VNN1: variants seen among roughly 807,000 people sequenced by gnomAD.
The protein encoded by VNN1 is vanin 1.
A neutral mutation model predicts 41.9 loss-of-function variants in VNN1; 29 were observed. The observed-to-expected ratio is 0.69, with a 90% CI of 0.52 to 0.94. VNN1 has a LOEUF of 0.94. VNN1 is among the 40% of genes least tolerant of loss of function. The pLI, the probability that VNN1 is intolerant of heterozygous loss-of-function variation, is 0.00. For synonymous variants in VNN1, 233 were observed against 224.4 expected (o/e 1.04, Z -0.34); for missense variants, 637 against 621.1 (o/e 1.03, Z -0.27).
intron 2 of VNN1, among the ~76,000 whole-genome samples, chr6:132,694,524 G>A (rs760644599): frequency 4.6e-5 from 7 of 151,964 alleles, no homozygotes; most frequent in East Asian, 1.9e-4. Flanking sequence ...TACATATCCC[G>A]TTTACTAAAA....
At chr6:132,692,993 C>T in intron 4 of VNN1, 31 bp downstream of exon 4, 2 of 1,548,668 alleles carry the variant, frequency 1.3e-6, no homozygotes, top group Non-Finnish European at 1.7e-6. Flanking sequence ...CTGATTACAT[C>T]AGCCTGCATA....
At chr6:132,691,618 A>C (rs187774993) in intron 5 of VNN1, among the ~76,000 whole-genome samples, 221 of 152,302 alleles carry the variant, frequency 1.5e-3, no homozygotes, top group Middle Eastern at 3.4e-3. Flanking sequence ...TAATTTGAAT[A>C]TTTATTTTTA....
chr6:132,710,770 C>A (rs1220689424), intron 2 of VNN1, among the ~76,000 whole-genome samples: 1 of 152,140 alleles, frequency 6.6e-6, no homozygotes, highest in African/African-American at 2.4e-5. Flanking sequence ...TCCAGTCTAC[C>A]ATTGATGGGT....
intron 2 of VNN1, among the ~76,000 whole-genome samples, chr6:132,700,326 G>A (rs1778433186): frequency 6.6e-6 from 1 of 151,988 alleles, no homozygotes; most frequent in Non-Finnish European, 1.5e-5. Flanking sequence ...AAAATTTTCA[G>A]AGGCATTGTC....
At chr6:132,710,439 G>A (rs1284792485) in intron 2 of VNN1, among the ~76,000 whole-genome samples, 2 of 151,892 alleles carry the variant, frequency 1.3e-5, no homozygotes, top group Non-Finnish European at 2.9e-5. Flanking sequence ...TTGTTACATA[G>A]GTATACACGT....
chr6:132,688,992 A>T (rs1778244239), intron 5 of VNN1, among the ~76,000 whole-genome samples: 1 of 152,060 alleles, frequency 6.6e-6, no homozygotes, highest in South Asian at 2.1e-4. Context: ...AGGATCAAGC[A>T]ATTCTCCTGT....
chr6:132,694,235 C>A, intron 2 of VNN1, 53 bp from the exon 3 acceptor site: 1 of 1,485,784 alleles, frequency 6.7e-7, no homozygotes, highest in East Asian at 2.3e-5. Context: ...TCTTAACTCT[C>A]AACAAAATCC....
In VNN1 at chr6:132,681,149, T is replaced by G. The variant is rs1055097088; in HGVS notation, c.*1991A>C. On this transcript the variant is annotated 3_prime_UTR_variant, in exon 7 of 7. Transcript: ENST00000367928. ...TTGTTGGTCCATGTGACCAACATCA[T>G]GTGGAAGAAGAGATGTCACTTCTGT... Among the ~76,000 whole-genome samples the G allele has an allele frequency of 3.3e-5, 5 of 152,152 alleles. No homozygotes were observed. The highest frequency in any genetic ancestry group is 1.3e-4 in the Admixed American group (2 of 15,280).
At chr6:132,705,404 A>G (rs1470563690) in intron 2 of VNN1, among the ~76,000 whole-genome samples, 4 of 152,370 alleles carry the variant, frequency 2.6e-5, no homozygotes, top group African/African-American at 9.6e-5. Flanking sequence ...TCATATCAAC[A>G]GAATGAAGAA....
intron 2 of VNN1, among the ~76,000 whole-genome samples, 173 bp from the exon 3 acceptor site, chr6:132,694,355 T>C (rs1027336839): frequency 2.0e-5 from 3 of 152,220 alleles, no homozygotes; most frequent in South Asian, 4.1e-4. Context: ...AGGAAGCCCA[T>C]GCTTGAGTAA....
intron 2 of VNN1, among the ~76,000 whole-genome samples, chr6:132,707,080 G>A (rs1009870645): frequency 6.6e-6 from 1 of 151,878 alleles, no homozygotes; most frequent in African/African-American, 2.4e-5. Flanking sequence ...TACAAAAATA[G>A]CTGGGTGTAG....
At chr6:132,706,399 T>C (rs939509781) in intron 2 of VNN1, among the ~76,000 whole-genome samples, 7 of 152,102 alleles carry the variant, frequency 4.6e-5, no homozygotes, top group South Asian at 2.1e-4. Context: ...AGAGCATATA[T>C]TGGGGAAAGG....
intron 2 of VNN1, among the ~76,000 whole-genome samples, chr6:132,700,458 G>A (rs1330082244): frequency 6.6e-6 from 1 of 152,148 alleles, no homozygotes; most frequent in Non-Finnish European, 1.5e-5. Context: ...CCTGGCCTGT[G>A]GCCACTCCTG....
intron 2 of VNN1, among the ~76,000 whole-genome samples, chr6:132,696,267 A>G (rs1020090554): frequency 6.6e-6 from 1 of 152,230 alleles, no homozygotes; most frequent in Non-Finnish European, 1.5e-5. Context: ...AGACAGGACC[A>G]TTGAAATTAT....
Position 132,681,791 on chromosome 6 carries a change from C to T in VNN1, c.*1349G>A, listed in dbSNP as rs1004882759. 6.6e-6 allele frequency: 1 copy of T among 152,006 alleles called. No homozygotes were observed. Among genetic ancestry groups the T allele is most frequent in the African/African-American group, 2.4e-5 (1 of 41,306 alleles). 9.4% of individuals were successfully genotyped at this position (152,006 alleles called of 1,614,324 possible). On this transcript the variant is annotated 3_prime_UTR_variant, in exon 7 of 7. Transcript: ENST00000367928. Reference sequence around the variant, plus strand: ...TCACCCAAAAGAACAAGGGATTTTACTCAAATATTTCTTGGATGATATAGT... The same window carrying T: ...TCACCCAAAAGAACAAGGGATTTTATTCAAATATTTCTTGGATGATATAGT...
In VNN1 at chr6:132,681,769, C is replaced by A. The variant is rs1306522111; in HGVS notation, c.*1371G>T. On this transcript the variant is annotated 3_prime_UTR_variant, in exon 7 of 7. Transcript: ENST00000367928. Reference sequence around the variant, plus strand: ...AAAAAGCAAATGTCAGTTAATGTCACCCAAAAGAACAAGGGATTTTACTCA... The same window carrying A: ...AAAAAGCAAATGTCAGTTAATGTCAACCAAAAGAACAAGGGATTTTACTCA... The A allele has an allele frequency of 1.3e-5, 2 of 152,400 alleles. No individual in the cohort carries two copies. Among genetic ancestry groups the A allele is most frequent in the Non-Finnish European group, 2.9e-5 (2 of 67,984 alleles). The allele number at this position is 152,400 out of a possible 1,614,324, so 9.4% of individuals were successfully genotyped here. A position where few individuals can be genotyped will look rare whatever the true frequency, so the allele number is the denominator to read the frequency against.
chr6:132,687,641 G>A (rs1778227210), intron 5 of VNN1, among the ~76,000 whole-genome samples: 2 of 152,080 alleles, frequency 1.3e-5, no homozygotes, highest in Non-Finnish European at 2.9e-5. Context: ...ATAGCTAAGA[G>A]AGCATTCCTA....
At chr6:132,686,626 A>G (rs1418272397) in intron 5 of VNN1, among the ~76,000 whole-genome samples, 1 of 152,260 alleles carries the variant, frequency 6.6e-6, no homozygotes, top group Non-Finnish European at 1.5e-5. Context: ...CAAAAGGTCC[A>G]GCTAGATCAT....
At chr6:132,707,039 C>G (rs923028696) in intron 2 of VNN1, among the ~76,000 whole-genome samples, 4 of 151,696 alleles carry the variant, frequency 2.6e-5, no homozygotes, top group African/African-American at 9.7e-5. Flanking sequence ...TCAGCCTGGA[C>G]AACATGGTGG....
Sources: allele counts gnomAD v4.1 joint callset (sites outside exome capture counted in the v4.1 genomes callset), GRCh38; gene constraint gnomAD v4.1.1; transcripts MANE v1.5; gene names NCBI Gene and HGNC (gene_info 2026-07-23, HGNC 2026-07-21).